The following CDK15 variants were observed in gnomAD, a reference collection of about 807,000 sequenced individuals.
CDK15 encodes cyclin-dependent kinase 15.
Under a neutral mutation model 60.3 loss-of-function variants are expected in CDK15, and 62 were observed. The ratio of observed to expected loss-of-function variants is 1.03; its 90% confidence interval spans 0.84 to 1.27. The LOEUF is 1.27. Among genes scored for constraint, CDK15 ranks in the 50% most tolerant of loss-of-function variants. The probability of loss-of-function intolerance (pLI) is 0.00; values close to 1 mark genes in which losing one functional copy is unlikely to be tolerated. For missense variants in CDK15, 541 were observed against 527.8 expected (o/e 1.03, Z -0.25); for synonymous variants, 194 against 195.7 (o/e 0.99, Z 0.07).
chr2:201,829,084 G>T (rs892679870), intron 6 of CDK15, among the ~76,000 whole-genome samples: 1 of 152,100 alleles, frequency 6.6e-6, no homozygotes, highest in South Asian at 2.1e-4. Context: ...TATATCAGGC[G>T]CCATTAAATG....
intron 12 of CDK15, among the ~76,000 whole-genome samples, chr2:201,886,016 T>G (rs1403688318): frequency 6.6e-6 from 1 of 152,214 alleles, no homozygotes; most frequent in East Asian, 1.9e-4. Context: ...TTTCCTACTA[T>G]TCATTGTTCT....
intron 13 of CDK15, 77 bp downstream of exon 13, chr2:201,891,004 C>CTGAATCCCTG: frequency 4.1e-6 from 3 of 730,002 alleles, no homozygotes; most frequent in Non-Finnish European, 6.9e-6. Context: ...GGACATTGCT[C>CTGAATCCCTG]AGGGATTCAG....
At chr2:201,864,196 G>C (rs1698515303) in intron 10 of CDK15, among the ~76,000 whole-genome samples, 1 of 152,128 alleles carries the variant, frequency 6.6e-6, no homozygotes, top group Non-Finnish European at 1.5e-5. Context: ...ATTGCCTGGG[G>C]ATCTTTAAGA....
Position 201,895,485 on chromosome 2 carries a change from C to T in CDK15, c.*2218C>T, listed in dbSNP as rs1385399043. ...CAAAAGCTTAATAAATGTTATAAGA[C>T]TCTAAAACATTTAAATCTTTCATTT... is the stretch of plus-strand genomic sequence containing the variant. On this transcript the variant is annotated 3_prime_UTR_variant, in exon 14 of 14. Transcript: ENST00000652192. The T allele has an allele frequency of 6.6e-6, 1 of 152,190 alleles. No homozygotes were observed. Among genetic ancestry groups the T allele is most frequent in the Non-Finnish European group, 1.5e-5 (1 of 68,032 alleles). The allele number at this position is 152,190 out of a possible 1,614,324, so 9.4% of individuals were successfully genotyped here. A position where few individuals can be genotyped will look rare whatever the true frequency, so the allele number is the denominator to read the frequency against.
At chr2:201,885,244 C>G (rs1044602387) in intron 12 of CDK15, among the ~76,000 whole-genome samples, 1 of 152,176 alleles carries the variant, frequency 6.6e-6, no homozygotes, top group Non-Finnish European at 1.5e-5. Context: ...ACTCTGAATG[C>G]TTCCACGTAA....
chr2:201,869,394 G>A (rs1178175837), intron 10 of CDK15, among the ~76,000 whole-genome samples: 2 of 151,928 alleles, frequency 1.3e-5, no homozygotes, highest in African/African-American at 4.8e-5. Flanking sequence ...TGGGGGGCAG[G>A]GGGAGGGATA....
At chr2:201,872,549 G>T (rs1698893810) in intron 11 of CDK15, among the ~76,000 whole-genome samples, 1 of 152,054 alleles carries the variant, frequency 6.6e-6, no homozygotes, top group Non-Finnish European at 1.5e-5. Context: ...AAATTGTTTT[G>T]TGTCCCTCAG....
chr2:201,860,149 C>T lies in CDK15; in HGVS notation c.1009+5212C>T, dbSNP rs561163471. Among the ~76,000 whole-genome samples, 11 of 152,298 alleles carry T rather than the reference C, an allele frequency of 7.2e-5. No individual in the cohort carries two copies. The East Asian group carries it at 1.2e-3, about 16-fold the overall frequency. On this transcript the variant is annotated intron_variant, in intron 10 of 13. Coordinates refer to ENST00000652192, the MANE Select transcript of CDK15 (RefSeq NM_001366386.2). ...TAAACACGGTTTTTGAAAGCGCTCA[C>T]GCTGTGTGAGCTCAAATCCTAGCAT...
chr2:201,869,697 C>T (rs1698783517), intron 10 of CDK15, among the ~76,000 whole-genome samples: 1 of 150,958 alleles, frequency 6.6e-6, no homozygotes, highest in Non-Finnish European at 1.5e-5. Flanking sequence ...AAGAACCCCA[C>T]TCAAGTTAGA....
chr2:201,842,014 A>G (rs938888589), intron 8 of CDK15, among the ~76,000 whole-genome samples: 1 of 152,174 alleles, frequency 6.6e-6, no homozygotes, highest in Admixed American at 6.5e-5. Flanking sequence ...ACCATTCATC[A>G]CGATTTTCAG....
At chr2:201,866,080 AAG>A (rs1574920051) in intron 10 of CDK15, among the ~76,000 whole-genome samples, 1 of 149,436 alleles carries the variant, frequency 6.7e-6, no homozygotes, top group African/African-American at 2.5e-5. Flanking sequence ...GTAGGAGAAA[AAG>A]AGTTACAGAT....
chr2:201,816,602 G>C (rs990847259), intron 4 of CDK15, among the ~76,000 whole-genome samples: 1 of 151,626 alleles, frequency 6.6e-6, no homozygotes, highest in Non-Finnish European at 1.5e-5. Context: ...GAACATAAAA[G>C]TCTAGGTGTC....
intron 6 of CDK15, among the ~76,000 whole-genome samples, chr2:201,826,830 A>T (rs558740666): frequency 6.6e-6 from 1 of 152,354 alleles, no homozygotes; most frequent in Non-Finnish European, 1.5e-5. Context: ...TTATATTTTT[A>T]TGTATGGATG....
In CDK15 at chr2:201,823,704, G is replaced by A; in HGVS notation, c.583G>A (p.Gly195Arg). 2.5e-6 allele frequency: 4 copies of A among 1,613,814 alleles called. No homozygotes were observed. Among genetic ancestry groups the A allele is most frequent in the Non-Finnish European group, 3.4e-6 (4 of 1,179,892 alleles). The change falls in exon 6 of 14, where the codon GGG (glycine) becomes AGG (arginine). Residue 195 changes from glycine (G) to arginine (R), a missense_variant. Transcript: ENST00000652192. Reference protein sequence around the residue: ...LAQYMSQHPGGLHPHNVRLFM... With the variant: ...LAQYMSQHPGRLHPHNVRLFM... ...CCAGTATATGTCTCAGCATCCAGGA[G>A]GGCTTCATCCTCATAATGTCAGAGT...
chr2:201,874,543 T>G (rs1699000514), intron 11 of CDK15, among the ~76,000 whole-genome samples: 1 of 152,170 alleles, frequency 6.6e-6, no homozygotes, highest in African/African-American at 2.4e-5. Flanking sequence ...CCAGGATTCA[T>G]CCGGTACCCA....
chr2:201,832,927 G>A (rs182883466), intron 6 of CDK15, among the ~76,000 whole-genome samples: 4 of 152,322 alleles, frequency 2.6e-5, no homozygotes, highest in Non-Finnish European at 4.4e-5. Flanking sequence ...GTTGACATAC[G>A]TCTTTGTAAA....
intron 4 of CDK15, among the ~76,000 whole-genome samples, chr2:201,821,863 T>TA (rs1696234364): frequency 2.0e-5 from 3 of 152,180 alleles, no homozygotes; most frequent in African/African-American, 7.2e-5. Context: ...GTATTTTTAG[T>TA]AGAGACGGGG....
At chr2:201,817,333 A>G (rs1696039985) in intron 4 of CDK15, among the ~76,000 whole-genome samples, 1 of 152,210 alleles carries the variant, frequency 6.6e-6, no homozygotes, top group African/African-American at 2.4e-5. Flanking sequence ...GACTGGTGTG[A>G]GATGGTATCT....
At chr2:201,815,975 A>C (rs1318109151) in intron 4 of CDK15, among the ~76,000 whole-genome samples, 1 of 152,226 alleles carries the variant, frequency 6.6e-6, no homozygotes, top group Admixed American at 6.5e-5. Flanking sequence ...ATCCATTTCT[A>C]TTCTATTTAA....
Sources: gnomAD v4.1 joint callset for allele counts (sites outside exome capture counted in the v4.1 genomes callset) on GRCh38, gnomAD v4.1.1 for gene constraint, MANE v1.5 for transcripts, NCBI Gene and HGNC (gene_info 2026-07-23, HGNC 2026-07-21) for gene names.